Variants in HPSE2 observed in about 807,000 individuals in gnomAD.
The protein encoded by HPSE2 is inactive heparanase-2.
A neutral mutation model predicts 60.5 loss-of-function variants in HPSE2; 38 were observed. That is an observed-to-expected ratio of 0.63 (90% CI 0.48 to 0.82). HPSE2 has a LOEUF of 0.82. Ranked by LOEUF, HPSE2 falls within the 40% of genes least tolerant of loss-of-function variation. The pLI, the probability that HPSE2 is intolerant of heterozygous loss-of-function variation, is 0.00. For synonymous variants in HPSE2, 295 were observed against 293.2 expected, an observed-to-expected ratio of 1.01 and a Z score of -0.06; for missense variants, 713 against 740.4, an observed-to-expected ratio of 0.96 and a Z score of 0.43.
intron 6 of HPSE2, among the ~76,000 whole-genome samples, chr10:98,679,695 T>A (rs1359680697): frequency 6.6e-6 from 1 of 152,144 alleles, no homozygotes; most frequent in Non-Finnish European, 1.5e-5. Context: ...TTATTTTAGT[T>A]TTCGTTTTCT....
intron 3 of HPSE2, among the ~76,000 whole-genome samples, chr10:98,901,235 A>G (rs1471589480): frequency 6.6e-6 from 1 of 152,198 alleles, no homozygotes; most frequent in Non-Finnish European, 1.5e-5. Context: ...GAGGAGCACA[A>G]CAACACTTTT....
chr10:99,236,509 G>C (rs1187112746), upstream of HPSE2, among the ~76,000 whole-genome samples: 1 of 152,090 alleles, frequency 6.6e-6, no homozygotes, highest in Non-Finnish European at 1.5e-5. Flanking sequence ...AAGTTGCAGA[G>C]GGGTCTTGAG....
At chr10:98,550,678 G>A (rs1223997230) in intron 9 of HPSE2, among the ~76,000 whole-genome samples, 1 of 152,062 alleles carries the variant, frequency 6.6e-6, no homozygotes, top group East Asian at 1.9e-4. Context: ...GTTTCACTGT[G>A]TTAGTCAGGA....
chr10:99,244,382 T>TTTATTATTATTATTATTA, the HPSE2 span, among the ~76,000 whole-genome samples: 76 of 134,156 alleles, frequency 5.7e-4, no homozygotes, highest in East Asian at 1.3e-3. Flanking sequence ...TTTTATTTCT[T>TTTATTATTATTATTATTA]TTATTATTAT....
At chr10:99,073,263 G>T (rs550223977) in intron 3 of HPSE2, among the ~76,000 whole-genome samples, 1 of 152,214 alleles carries the variant, frequency 6.6e-6, no homozygotes, top group South Asian at 2.1e-4. Flanking sequence ...AAGAAAATGT[G>T]GTAGAGATAC....
At chr10:98,550,675 T>G (rs1273441790) in intron 9 of HPSE2, among the ~76,000 whole-genome samples, 1 of 152,026 alleles carries the variant, frequency 6.6e-6, no homozygotes, top group South Asian at 2.1e-4. Flanking sequence ...GAGGTTTCAC[T>G]GTGTTAGTCA....
At chr10:98,845,332 C>T (rs555843878) in intron 3 of HPSE2, among the ~76,000 whole-genome samples, 1 of 152,324 alleles carries the variant, frequency 6.6e-6, no homozygotes, top group African/African-American at 2.4e-5. Flanking sequence ...ATATTAGTTT[C>T]TCAACTAGTT....
At chr10:98,490,292 CGGG>C in intron 9 of HPSE2, 96 bp from the exon 10 acceptor site, 1 of 1,014,132 alleles carries the variant, frequency 9.9e-7, no homozygotes, top group Non-Finnish European at 1.4e-6. Context: ...CACACACACA[CGGG>C]CCAGAAATCA....
intron 3 of HPSE2, among the ~76,000 whole-genome samples, chr10:99,066,607 C>T (rs1447151152): frequency 6.6e-6 from 1 of 152,138 alleles, no homozygotes; most frequent in Non-Finnish European, 1.5e-5. Flanking sequence ...TTTATAAAAC[C>T]ATTAGATCTC....
chr10:98,772,593 C>T (rs767221703), intron 3 of HPSE2, among the ~76,000 whole-genome samples: 1 of 152,182 alleles, frequency 6.6e-6, no homozygotes. Flanking sequence ...CAGACAGTGA[C>T]ACCTGGAAAC....
chr10:99,296,140 C>T, the HPSE2 span, among the ~76,000 whole-genome samples: 1 of 152,138 alleles, frequency 6.6e-6, no homozygotes, highest in Non-Finnish European at 1.5e-5. Flanking sequence ...ATATAGCCTT[C>T]CAAAAGACTT....
At chr10:99,131,717 A>C (rs1461096482) in intron 3 of HPSE2, among the ~76,000 whole-genome samples, 2 of 152,186 alleles carry the variant, frequency 1.3e-5, no homozygotes, top group Admixed American at 1.3e-4. Context: ...CATAAGAATG[A>C]TACAATGGAC....
intron 3 of HPSE2, among the ~76,000 whole-genome samples, chr10:99,043,740 G>A (rs557030043): frequency 2.8e-4 from 42 of 152,032 alleles, no homozygotes; most frequent in Non-Finnish European, 5.4e-4. Context: ...AGCATTAATA[G>A]TAGAATAGAC....
intron 1 of HPSE2, 29 bp downstream of exon 1, chr10:99,235,484 T>C (rs1365390499): frequency 8.1e-6 from 13 of 1,612,842 alleles, no homozygotes; most frequent in Non-Finnish European, 1.1e-5. Context: ...TAAAAAATTT[T>C]AAATGATCCA....
chr10:98,599,751 C>G (rs987523018), intron 9 of HPSE2, among the ~76,000 whole-genome samples: 2 of 152,146 alleles, frequency 1.3e-5, no homozygotes, highest in Non-Finnish European at 2.9e-5. Flanking sequence ...TGTGCTCTAC[C>G]TAGGTGCTAT....
At chr10:98,587,454 A>G (rs1944969398) in intron 9 of HPSE2, among the ~76,000 whole-genome samples, 1 of 152,236 alleles carries the variant, frequency 6.6e-6, no homozygotes, top group Non-Finnish European at 1.5e-5. Context: ...TGCTGAAAAG[A>G]GCAACTGATA....
chr10:98,908,454 C>T (rs558143651), intron 3 of HPSE2, among the ~76,000 whole-genome samples: 18 of 152,112 alleles, frequency 1.2e-4, no homozygotes, highest in South Asian at 4.1e-4. Flanking sequence ...GAGGCTGAGG[C>T]GGGTGGATCA....
intron 7 of HPSE2, among the ~76,000 whole-genome samples, chr10:98,631,608 C>G (rs186227864): frequency 7.9e-5 from 12 of 152,292 alleles, no homozygotes; most frequent in Admixed American, 5.9e-4. Flanking sequence ...CCTAAGTTGC[C>G]CCTTCCTCCT....
chr10:99,274,081 C>T, the HPSE2 span, among the ~76,000 whole-genome samples: 1 of 152,224 alleles, frequency 6.6e-6, no homozygotes, highest in Non-Finnish European at 1.5e-5. Context: ...TGCGGTGGCT[C>T]ACGCCTGTAA....
Sources: gnomAD v4.1 joint callset for allele counts (sites outside exome capture counted in the v4.1 genomes callset) on GRCh38, gnomAD v4.1.1 for gene constraint, MANE v1.5 for transcripts, NCBI Gene and HGNC (gene_info 2026-07-23, HGNC 2026-07-21) for gene names.